Variants in PRDM16 observed in about 807,000 individuals in gnomAD.
PRDM16 encodes PR/SET domain 16.
PRDM16 carries 23 observed loss-of-function variants against 110.6 expected under a neutral mutation model. That is an observed-to-expected ratio of 0.21 (90% CI 0.15 to 0.29). The LOEUF (loss-of-function observed/expected upper bound fraction) is 0.29. Ranked by LOEUF, PRDM16 falls within the 10% of genes least tolerant of loss-of-function variation. PRDM16 has a pLI of 1.00. For missense variants in PRDM16, 1,615 were observed against 1,794.3 expected (o/e 0.90, Z 1.81); for synonymous variants, 799 against 781.8 (o/e 1.02, Z -0.37).
intron 1 of PRDM16, among the ~76,000 whole-genome samples, chr1:3,176,611 A>G (rs59149776): frequency 0.062 from 8,782 of 142,090 alleles, 360 homozygotes; most frequent in East Asian, 0.21. Context: ...TCCATCATCC[A>G]TTCATCTATC....
At chr1:3,210,296 T>A (rs78219675) in intron 2 of PRDM16, among the ~76,000 whole-genome samples, 29 of 152,278 alleles carry the variant, frequency 1.9e-4, no homozygotes, top group African/African-American at 6.3e-4. Context: ...GAGGCATCAC[T>A]CCTGATCCAG....
intron 3 of PRDM16, among the ~76,000 whole-genome samples, chr1:3,274,825 T>C (rs1303327756): frequency 6.6e-6 from 1 of 151,508 alleles, no homozygotes; most frequent in Non-Finnish European, 1.5e-5. Flanking sequence ...GGGGCAGTGG[T>C]GTCGAGGGCA....
At position 3,350,875 on chromosome 1, in the gene PRDM16, A is replaced by AC. The variant is rs138738185; in HGVS notation, c.439-34271dup. 6.6e-6 allele frequency among the ~76,000 whole-genome samples: 1 copy of AC among 151,038 alleles called. No individual in the cohort carries two copies. The highest frequency in any genetic ancestry group is 1.5e-5 in the Non-Finnish European group (1 of 67,770). On this transcript the variant is annotated intron_variant, in intron 3 of 16. Transcript: ENST00000270722. This position sits in a 1 kb window ranked among gnomAD's most constrained non-coding sequence, Gnocchi z 7.1. The stretch of plus-strand genomic sequence containing the variant: ...AGGCACTTCTGGCTGGGGGATATAC[A>AC]CCCCCCAGTCCTTGCAGAGCCCACT...
chr1:3,411,696 TCTC>T lies in PRDM16; in HGVS notation c.1501_1503del (p.Ser501del). On this transcript the variant is annotated inframe_deletion, in exon 9 of 17. Coordinates refer to ENST00000270722, the MANE Select transcript of PRDM16 (RefSeq NM_022114.4). ...AGGCCGCACCCGGGGAGCCTGCCCTTCTCCACGGCGCCTCCCACGTTCCCCGCA... is the reference window on the plus strand; with the variant it reads ...AGGCCGCACCCGGGGAGCCTGCCCTTCACGGCGCCTCCCACGTTCCCCGCA... 6.2e-7 allele frequency: 1 copy of T among 1,610,174 alleles called. No individual in the cohort carries two copies. The highest frequency in any genetic ancestry group is 8.5e-7 in the Non-Finnish European group (1 of 1,177,568).
intron 3 of PRDM16, among the ~76,000 whole-genome samples, chr1:3,310,669 A>G (rs1018278092): frequency 6.6e-6 from 1 of 151,946 alleles, no homozygotes; most frequent in Non-Finnish European, 1.5e-5. Context: ...CCTCCACGCT[A>G]CCTCTCCAGG....
intron 3 of PRDM16, among the ~76,000 whole-genome samples, chr1:3,329,534 G>T (rs2100483925): frequency 6.6e-6 from 1 of 152,326 alleles, no homozygotes; most frequent in African/African-American, 2.4e-5. Flanking sequence ...GGACCGTGGG[G>T]CACACTCTCT....
At chr1:3,220,284 G>A (rs1639123183) in intron 2 of PRDM16, among the ~76,000 whole-genome samples, 1 of 152,178 alleles carries the variant, frequency 6.6e-6, no homozygotes, top group Admixed American at 6.5e-5. Flanking sequence ...ACACCGTGGG[G>A]CCACGTCACA....
intron 1 of PRDM16, among the ~76,000 whole-genome samples, chr1:3,103,728 T>G (rs1642585314): frequency 6.6e-6 from 1 of 152,140 alleles, no homozygotes; most frequent in Non-Finnish European, 1.5e-5. Context: ...AAGAGAGGCC[T>G]CAAACCTGAG....
intron 3 of PRDM16, among the ~76,000 whole-genome samples, chr1:3,286,645 G>T (rs544252228): frequency 7.9e-5 from 12 of 151,806 alleles, no homozygotes; most frequent in Non-Finnish European, 1.3e-4. Flanking sequence ...GGGCCTGGGG[G>T]TTCAGCCTTC....
chr1:3,152,692 C>T (rs570492005), intron 1 of PRDM16, among the ~76,000 whole-genome samples: 1 of 152,316 alleles, frequency 6.6e-6, no homozygotes, highest in South Asian at 2.1e-4. Flanking sequence ...TGTTGCCGTC[C>T]GTCGTCCATC....
chr1:3,415,623 G>A (rs756657815), intron 10 of PRDM16, among the ~76,000 whole-genome samples: 3 of 152,278 alleles, frequency 2.0e-5, no homozygotes, highest in Non-Finnish European at 2.9e-5. Context: ...TGTGCGGGGA[G>A]CGAGGCCGGG....
At chr1:3,130,903 C>T (rs1224450673) in intron 1 of PRDM16, among the ~76,000 whole-genome samples, 2 of 152,094 alleles carry the variant, frequency 1.3e-5, no homozygotes, top group East Asian at 1.9e-4. Flanking sequence ...TAGAACGCAG[C>T]CGCTTCCTTC....
rs560202062 is a variant in PRDM16, at chr1:3,279,371, G to A, written c.438+35234G>A. On this transcript the variant is annotated intron_variant, in intron 3 of 16. Transcript: ENST00000270722. ...ACGCAGAGAGGAAGGGCGGGCCCTCGCGGTGCCTCGGGGCAGCTGTGCTGA... is the reference window on the plus strand; with the variant it reads ...ACGCAGAGAGGAAGGGCGGGCCCTCACGGTGCCTCGGGGCAGCTGTGCTGA... Among the ~76,000 whole-genome samples, 6 of 152,056 alleles carry A rather than the reference G, an allele frequency of 3.9e-5. No homozygotes were observed. In the East Asian group the frequency reaches 1.2e-3, roughly 30 times the overall value.
intron 2 of PRDM16, among the ~76,000 whole-genome samples, chr1:3,189,692 C>T (rs2100804795): frequency 6.6e-6 from 1 of 152,270 alleles, no homozygotes; most frequent in East Asian, 1.9e-4. Flanking sequence ...GTCATTTTGG[C>T]CTCCCTCCGT....
At chr1:3,168,803 C>A (rs1490656542) in intron 1 of PRDM16, among the ~76,000 whole-genome samples, 1 of 152,204 alleles carries the variant, frequency 6.6e-6, no homozygotes, top group African/African-American at 2.4e-5. Flanking sequence ...CTGCCAACAT[C>A]ATTTCCTGGA....
At position 3,404,762 on chromosome 1, in the gene PRDM16, A is replaced by G; in HGVS notation, c.908A>G (p.His303Arg). Reference protein sequence around the residue: ...KYSLEQHMVIHTEEREYKCDQ... With the variant: ...KYSLEQHMVIRTEEREYKCDQ... ...AGCCTGGAGCAGCACATGGTCATCCACACGGAGGAGCGCGAGTACAAATGC... is the reference window on the plus strand; with the variant it reads ...AGCCTGGAGCAGCACATGGTCATCCGCACGGAGGAGCGCGAGTACAAATGC... The change falls in exon 7 of 17, where the codon CAC becomes CGC. Residue 303 changes from histidine (H) to arginine (R), a missense_variant. This residue lies in a region of PRDM16 where 416 missense variants were observed against 467.1 expected (regional missense o/e 0.89). Transcript: ENST00000270722. 1 of 1,613,568 alleles carries G rather than the reference A, an allele frequency of 6.2e-7. No individual in the cohort carries two copies. Among genetic ancestry groups the G allele is most frequent in the Non-Finnish European group, 8.5e-7 (1 of 1,179,980 alleles).
At chr1:3,252,188 T>C (rs552663339) in intron 3 of PRDM16, among the ~76,000 whole-genome samples, 43 of 152,318 alleles carry the variant, frequency 2.8e-4, no homozygotes, top group Non-Finnish European at 2.9e-4. Flanking sequence ...TCCCTGTAGC[T>C]AGGTGCCCAA....
At chr1:3,366,584 G>A (rs1377833924) in intron 3 of PRDM16, among the ~76,000 whole-genome samples, 3 of 152,180 alleles carry the variant, frequency 2.0e-5, no homozygotes, top group Non-Finnish European at 4.4e-5. Context: ...CTAGTAGTAA[G>A]CTGAGAATAT....
At chr1:3,117,472 C>A (rs1642987307) in intron 1 of PRDM16, among the ~76,000 whole-genome samples, 1 of 152,146 alleles carries the variant, frequency 6.6e-6, no homozygotes, top group Non-Finnish European at 1.5e-5. Context: ...AGGTGCATGT[C>A]TGGGGAGTGG....
Sources: allele counts gnomAD v4.1 joint callset (sites outside exome capture counted in the v4.1 genomes callset), GRCh38; gene constraint gnomAD v4.1.1; regional missense constraint gnomAD v4.1.1; non-coding constraint Gnocchi (gnomAD v3.1); transcripts MANE v1.5; gene names NCBI Gene and HGNC (gene_info 2026-07-23, HGNC 2026-07-21).